Variants in SV2B observed in about 807,000 individuals in gnomAD.
The protein encoded by SV2B is solute carrier family 22 member B2.
A neutral mutation model predicts 73.9 loss-of-function variants in SV2B; 41 were observed. The ratio of observed to expected loss-of-function variants is 0.56; its 90% CI spans 0.43 to 0.72. The LOEUF is 0.72. Ranked by LOEUF, SV2B falls within the 30% of genes least tolerant of loss-of-function variation. The pLI is 0.00. For missense variants in SV2B, 764 were observed against 857.8 expected, an observed-to-expected ratio of 0.89 and a Z score of 1.37; for synonymous variants, 314 against 314.2, an observed-to-expected ratio of 1.00 and a Z score of 0.01.
intron 1 of SV2B, among the ~76,000 whole-genome samples, chr15:91,173,337 G>C (rs1274863134): frequency 1.3e-5 from 2 of 152,164 alleles, no homozygotes; most frequent in Admixed American, 6.5e-5. Flanking sequence ...TGCGTGGTAC[G>C]AGCTGTGTCA....
intron 1 of SV2B, among the ~76,000 whole-genome samples, chr15:91,109,578 T>C (rs532373320): frequency 2.0e-5 from 3 of 152,290 alleles, no homozygotes; most frequent in Non-Finnish European, 4.4e-5. Flanking sequence ...GCGTGATTTG[T>C]TTTAATGAAT....
chr15:91,292,888 G>C lies in SV2B; in HGVS notation c.*336G>C, dbSNP rs2387107. On this transcript the variant is annotated 3_prime_UTR_variant, in exon 13 of 13. Coordinates refer to ENST00000394232, the MANE Select transcript of SV2B (RefSeq NM_001323032.3). ...AGTCAAGTGCAAGGACTTAACTTGCGTTTGAAAAGGAATTAGAGGGTCAGA... is the reference window on the plus strand; with the variant it reads ...AGTCAAGTGCAAGGACTTAACTTGCCTTTGAAAAGGAATTAGAGGGTCAGA... 3 of 183,966 alleles carry C rather than the reference G, an allele frequency of 1.6e-5. No homozygotes were observed. 11.4% of individuals were successfully genotyped at this position (183,966 alleles called of 1,614,324 possible).
chr15:91,157,299 T>A (rs1289257641), intron 1 of SV2B, among the ~76,000 whole-genome samples: 2 of 152,076 alleles, frequency 1.3e-5, no homozygotes, highest in Non-Finnish European at 1.5e-5. Context: ...AAGAAAAAGG[T>A]GTGAAATCAA....
chr15:91,102,351 T>G (rs1270735044), intron 1 of SV2B: 1 of 152,190 alleles, frequency 6.6e-6, no homozygotes, highest in Non-Finnish European at 1.5e-5. Context: ...ACTCAGCCCC[T>G]CTTTGAGCAT....
chr15:91,154,527 G>A (rs552504122), intron 1 of SV2B, among the ~76,000 whole-genome samples: 1 of 152,344 alleles, frequency 6.6e-6, no homozygotes, highest in South Asian at 2.1e-4. Flanking sequence ...CTCAGCGTCT[G>A]TCCATGTCCT....
chr15:91,260,182 TCCATGTGCAATTG>T, intron 5 of SV2B, 125 bp from the exon 6 acceptor site: 1 of 664,586 alleles, frequency 1.5e-6, no homozygotes. Flanking sequence ...TGGTAATGAG[TCCATGTGCAATTG>T]CCTCAGACCT....
chr15:91,159,084 A>G (rs957997588), intron 1 of SV2B, among the ~76,000 whole-genome samples: 3 of 152,058 alleles, frequency 2.0e-5, no homozygotes, highest in Non-Finnish European at 4.4e-5. Flanking sequence ...CATCAAGAGC[A>G]CTAGAAATCA....
At position 91,123,338 on chromosome 15, in the gene SV2B, A is replaced by G. The variant is rs562804337; in HGVS notation, c.-392+22975A>G. Among the ~76,000 whole-genome samples, 2 of 152,344 alleles carry G rather than the reference A, an allele frequency of 1.3e-5. No homozygotes were observed. The highest frequency in any genetic ancestry group is 3.9e-4 in the East Asian group (2 of 5,192). On this transcript the variant is annotated intron_variant, in intron 1 of 12. Coordinates refer to ENST00000394232, the MANE Select transcript of SV2B (RefSeq NM_001323032.3). The surrounding 1 kb of genome is among the most constrained non-coding windows in gnomAD (Gnocchi z 4.7). ...CTTATCATACACACATACACACACA[A>G]AAAGATAAGTCTGTGAGGTTTAGCT...
chr15:91,275,377 A>G (rs1299218700), intron 9 of SV2B, among the ~76,000 whole-genome samples: 1 of 152,222 alleles, frequency 6.6e-6, no homozygotes, highest in Non-Finnish European at 1.5e-5. Flanking sequence ...CTTCACTTTT[A>G]GTGTAAGAGC....
At chr15:91,244,349 G>T (rs766413496) in intron 2 of SV2B, among the ~76,000 whole-genome samples, 5 of 152,172 alleles carry the variant, frequency 3.3e-5, no homozygotes, top group African/African-American at 4.8e-5. Context: ...ATTTAGGAAA[G>T]AATTCCAACT....
Position 91,276,805 on chromosome 15 carries a change from G to GTTGTTGTTATTATTATTA in SV2B, c.1374-4921_1374-4920insGTTGTTATTATTATTATT, listed in dbSNP as rs528279430. On this transcript the variant is annotated intron_variant, in intron 9 of 12. Coordinates refer to ENST00000394232, the MANE Select transcript of SV2B (RefSeq NM_001323032.3). ...TTCCAGTATTTATATTATTGTTGTT[G>GTTGTTGTTATTATTATTA]TTATTATTATTATTATTATTATTAT... Among the ~76,000 whole-genome samples the GTTGTTGTTATTATTATTA allele has an allele frequency of 2.6e-3, 244 of 92,114 alleles. 1 individual carries two copies. The highest frequency in any genetic ancestry group is 7.9e-3 in the African/African-American group (236 of 29,796). The allele number at this position is 92,114 out of a possible 152,430, so 60.4% of individuals were successfully genotyped here. A position where few individuals can be genotyped will look rare whatever the true frequency, so the allele number is the denominator to read the frequency against.
Position 91,268,491 on chromosome 15 carries a change from A to G in SV2B, c.1259A>G (p.Asp420Gly). Residue 420 changes from aspartate (D) to glycine (G), a missense_variant, in exon 9 of 13, where the codon GAT (aspartate) becomes GGT (glycine). Coordinates refer to ENST00000394232, the MANE Select transcript of SV2B (RefSeq NM_001323032.3). The surrounding 1 kb of genome is among the most constrained non-coding windows in gnomAD (Gnocchi z 4.4). Reference sequence around the variant, plus strand: ...CCTGATATGATCCGCTATTTTCAAGATGAAGAATACAAGTCTAAAATGAAG... The same window carrying G: ...CCTGATATGATCCGCTATTTTCAAGGTGAAGAATACAAGTCTAAAATGAAG... ...WFPDMIRYFQ[D>G]EEYKSKMKVF... 1 of 1,614,138 alleles carries G rather than the reference A, an allele frequency of 6.2e-7. No homozygotes were observed. Among genetic ancestry groups the G allele is most frequent in the Non-Finnish European group, 8.5e-7 (1 of 1,179,960 alleles).
chr15:91,148,961 A>G (rs1391759337), intron 1 of SV2B, among the ~76,000 whole-genome samples: 4 of 152,246 alleles, frequency 2.6e-5, no homozygotes, highest in Non-Finnish European at 5.9e-5. Flanking sequence ...ACACCATCAC[A>G]GACACATCCA....
rs1387378803 is a variant in SV2B at position 91,128,456 on chromosome 15, A to G, written c.-392+28093A>G. Among the ~76,000 whole-genome samples, 1 of 152,164 alleles carries G rather than the reference A, an allele frequency of 6.6e-6. No homozygotes were observed. The highest frequency in any genetic ancestry group is 1.5e-5 in the Non-Finnish European group (1 of 68,020). ...CTGAATATGAGATCCCTACATTGCT[A>G]TTGGCGCTCAGAAAACAATATCCAA... is the stretch of plus-strand genomic sequence containing the variant. On this transcript the variant is annotated intron_variant, in intron 1 of 12. Transcript: ENST00000394232. This position sits in a 1 kb window ranked among gnomAD's most constrained non-coding sequence, Gnocchi z 4.2.
chr15:91,153,275 A>G (rs1042450667), intron 1 of SV2B, among the ~76,000 whole-genome samples: 5 of 152,180 alleles, frequency 3.3e-5, no homozygotes, highest in African/African-American at 7.2e-5. Context: ...GGACAAATAC[A>G]TTCGAACCAT....
chr15:91,278,176 C>T (rs765704080), intron 9 of SV2B, among the ~76,000 whole-genome samples: 9 of 152,176 alleles, frequency 5.9e-5, no homozygotes, highest in Non-Finnish European at 8.8e-5. Context: ...TGGGGCTACA[C>T]ACAGTAAAAG....
At chr15:91,274,230 T>C (rs1175264389) in intron 9 of SV2B, among the ~76,000 whole-genome samples, 2 of 152,224 alleles carry the variant, frequency 1.3e-5, no homozygotes, top group Non-Finnish European at 2.9e-5. Context: ...AATTGCTGGG[T>C]GAAAGGCTGG....
At chr15:91,176,995 G>C (rs540994469) in intron 1 of SV2B, among the ~76,000 whole-genome samples, 1 of 152,078 alleles carries the variant, frequency 6.6e-6, no homozygotes, top group Admixed American at 6.6e-5. Flanking sequence ...GTAATGCCTA[G>C]GTTTTCTTCT....
chr15:91,102,237 A>C (rs2041748595), intron 1 of SV2B: 1 of 152,222 alleles, frequency 6.6e-6, no homozygotes, highest in African/African-American at 2.4e-5. Context: ...GATGTGTGTT[A>C]CATGCGCCTA....
Sources: gnomAD v4.1 joint callset for allele counts (sites outside exome capture counted in the v4.1 genomes callset) on GRCh38, gnomAD v4.1.1 for gene constraint, Gnocchi (gnomAD v3.1) non-coding constraint, MANE v1.5 for transcripts, NCBI Gene and HGNC (gene_info 2026-07-23, HGNC 2026-07-21) for gene names.